Variants in OSMR observed in about 807,000 individuals in gnomAD.
OSMR encodes oncostatin-M-specific receptor subunit beta.
Under a neutral mutation model 99.9 loss-of-function variants are expected in OSMR, and 81 were observed. That is an observed-to-expected ratio of 0.81 (90% CI 0.68 to 0.97). OSMR has a LOEUF of 0.97. Ranked by LOEUF, OSMR falls within the 50% of genes least tolerant of loss-of-function variation. The pLI, the probability that OSMR is intolerant of heterozygous loss-of-function variation, is 0.00. For missense variants in OSMR, 1,099 were observed against 1,153.4 expected, an observed-to-expected ratio of 0.95 and a Z score of 0.68; for synonymous variants, 406 against 410.4, an observed-to-expected ratio of 0.99 and a Z score of 0.13.
intron 1 of OSMR, among the ~76,000 whole-genome samples, chr5:38,858,057 C>A (rs1396282992): frequency 6.6e-6 from 1 of 152,062 alleles, no homozygotes; most frequent in African/African-American, 2.4e-5. Context: ...GCATAAAATG[C>A]GTAGTAATTA....
At position 38,933,465 on chromosome 5, in the gene OSMR, C is replaced by G. The variant is rs186349017; in HGVS notation, c.*21C>G. ...GCTAACCAGCATGCCGATTTCATACCTTATGCTACACAGACATTAAGAAGA... is the reference window on the plus strand; with the variant it reads ...GCTAACCAGCATGCCGATTTCATACGTTATGCTACACAGACATTAAGAAGA... On this transcript the variant is annotated 3_prime_UTR_variant, in exon 18 of 18. Coordinates refer to ENST00000274276, the MANE Select transcript of OSMR (RefSeq NM_003999.3). 3.4e-4 allele frequency: 553 copies of G among 1,613,572 alleles called. 3 individuals carry two copies. The Middle Eastern group carries it at 3.5e-3, about 10-fold the overall frequency.
chr5:38,933,783 T>C lies in OSMR; in HGVS notation c.*339T>C. 3.9e-6 allele frequency: 1 copy of C among 258,810 alleles called. No individual in the cohort carries two copies. Among genetic ancestry groups the C allele is most frequent in the Non-Finnish European group, 7.4e-6 (1 of 134,502 alleles). 16.0% of individuals were successfully genotyped at this position (258,810 alleles called of 1,614,324 possible). A position where few individuals can be genotyped will look rare whatever the true frequency, so the allele number is the denominator to read the frequency against. The stretch of plus-strand genomic sequence containing the variant: ...CACTCAGTACTGTACAGGGTGGCTG[T>C]GGTCCTAGAAGTTCAGTTTTTACTG... On this transcript the variant is annotated 3_prime_UTR_variant, in exon 18 of 18. Transcript: ENST00000274276.
intron 7 of OSMR, among the ~76,000 whole-genome samples, chr5:38,896,757 C>T (rs139727179): frequency 5.9e-5 from 9 of 152,042 alleles, no homozygotes; most frequent in Middle Eastern, 3.4e-3. Context: ...AGTTTTTCCC[C>T]ATTCAGTATG....
intron 7 of OSMR, among the ~76,000 whole-genome samples, chr5:38,891,404 TGG>T (rs1744148427): frequency 6.6e-6 from 1 of 152,164 alleles, no homozygotes; most frequent in African/African-American, 2.4e-5. Flanking sequence ...GGAAACAAAA[TGG>T]TCTATAAATA....
chr5:38,862,805 A>T (rs2112165614), intron 1 of OSMR, among the ~76,000 whole-genome samples: 1 of 152,252 alleles, frequency 6.6e-6, no homozygotes, highest in African/African-American at 2.4e-5. Flanking sequence ...TGGGAGGCCA[A>T]GGCAGGCGGC....
chr5:38,911,017 A>C (rs1226192065), intron 9 of OSMR, among the ~76,000 whole-genome samples: 1 of 152,178 alleles, frequency 6.6e-6, no homozygotes, highest in African/African-American at 2.4e-5. Flanking sequence ...ACAACCCAAC[A>C]TCACACCTCA....
intron 1 of OSMR, among the ~76,000 whole-genome samples, chr5:38,864,561 T>C (rs1697890): frequency 0.55 from 82,447 of 149,760 alleles, 22,928 homozygotes; most frequent in East Asian, 0.73. Flanking sequence ...TTTCTTTTAG[T>C]ACTTAGAATA....
intron 3 of OSMR, among the ~76,000 whole-genome samples, chr5:38,881,244 C>T (rs1020174890): frequency 2.6e-5 from 4 of 151,682 alleles, no homozygotes; most frequent in Non-Finnish European, 5.9e-5. Flanking sequence ...TTTTCAAGAA[C>T]TTTCTTAGCA....
intron 9 of OSMR, 124 bp downstream of exon 9, chr5:38,904,627 T>C (rs901715630): frequency 4.2e-6 from 5 of 1,185,790 alleles, no homozygotes; most frequent in African/African-American, 1.5e-5. Flanking sequence ...CGGGGTAGCA[T>C]TTAAAAAATT....
chr5:38,924,355 T>C, intron 13 of OSMR, 67 bp from the exon 14 acceptor site: 1 of 1,610,342 alleles, frequency 6.2e-7, no homozygotes, highest in Non-Finnish European at 8.5e-7. Flanking sequence ...CTTCTATTAG[T>C]TGACATGAAT....
intron 8 of OSMR, 164 bp downstream of exon 8, chr5:38,904,188 T>G (rs926969388): frequency 1.0e-6 from 1 of 985,236 alleles, no homozygotes; most frequent in Middle Eastern, 5.2e-4. Flanking sequence ...CTTTTATGGT[T>G]AGGAAATGGG....
intron 9 of OSMR, among the ~76,000 whole-genome samples, chr5:38,909,588 A>G (rs1201438812): frequency 6.6e-6 from 1 of 152,234 alleles, no homozygotes; most frequent in African/African-American, 2.4e-5. Flanking sequence ...GAACATTCTT[A>G]AAAGAAATTC....
At chr5:38,848,266 G>A (rs1740046159) in intron 1 of OSMR, among the ~76,000 whole-genome samples, 1 of 152,100 alleles carries the variant, frequency 6.6e-6, no homozygotes, top group African/African-American at 2.4e-5. Context: ...TGTAAAATGG[G>A]GGGAAAAAAA....
At chr5:38,936,844 C>G (rs1747069021), downstream of OSMR, among the ~76,000 whole-genome samples, 1 of 152,188 alleles carries the variant, frequency 6.6e-6, no homozygotes, top group Admixed American at 6.5e-5. Flanking sequence ...TTTTATTCCT[C>G]TAAGCATTAA....
At chr5:38,856,276 C>CA (rs1740832975) in intron 1 of OSMR, among the ~76,000 whole-genome samples, 1 of 152,228 alleles carries the variant, frequency 6.6e-6, no homozygotes, top group South Asian at 2.1e-4. Flanking sequence ...AGAGGCTCCA[C>CA]AGTGTCTCTG....
chr5:38,912,694 A>G (rs972406397), intron 9 of OSMR, among the ~76,000 whole-genome samples: 12 of 152,230 alleles, frequency 7.9e-5, no homozygotes, highest in African/African-American at 2.9e-4. Flanking sequence ...GATTACAGTA[A>G]CCAAAACATC....
chr5:38,909,827 C>T (rs1189732772), intron 9 of OSMR, among the ~76,000 whole-genome samples: 1 of 152,188 alleles, frequency 6.6e-6, no homozygotes, highest in Admixed American at 6.5e-5. Flanking sequence ...ATCAAATCTG[C>T]ATAATAACCA....
rs75255599 is a variant in OSMR, at chr5:38,893,795, G to A, written c.991+7605G>A. On this transcript the variant is annotated intron_variant, in intron 7 of 17. Coordinates refer to ENST00000274276, the MANE Select transcript of OSMR (RefSeq NM_003999.3). ...AAAACCTCTGTAATCTTGCTAGAGAGGTAGACACCCAGATACAAGAAATCC... is the reference window on the plus strand; with the variant it reads ...AAAACCTCTGTAATCTTGCTAGAGAAGTAGACACCCAGATACAAGAAATCC... 3.8e-4 allele frequency among the ~76,000 whole-genome samples: 58 copies of A among 152,258 alleles called. No homozygotes were observed. The East Asian group carries it at 9.9e-3, about 26-fold the overall frequency.
chr5:38,872,132 G>A (rs1366330755), intron 2 of OSMR, among the ~76,000 whole-genome samples: 3 of 152,142 alleles, frequency 2.0e-5, no homozygotes, highest in East Asian at 3.8e-4. Context: ...TAATGGGATT[G>A]GATTTAATAA....
Sources: gnomAD v4.1 joint callset for allele counts (sites outside exome capture counted in the v4.1 genomes callset) on GRCh38, gnomAD v4.1.1 for gene constraint, MANE v1.5 for transcripts, NCBI Gene and HGNC (gene_info 2026-07-23, HGNC 2026-07-21) for gene names.